The following WIPF3 variants were observed in gnomAD, a reference collection of about 807,000 sequenced individuals.
WIPF3 encodes the protein WAS/WASL interacting protein family member 3.
Under a neutral mutation model 38.9 loss-of-function variants are expected in WIPF3, and 33 were observed. The ratio of observed to expected loss-of-function variants is 0.85; its 90% CI spans 0.64 to 1.14. The LOEUF (loss-of-function observed/expected upper bound fraction) is 1.14. WIPF3 is among the 50% of genes most tolerant of loss of function. The pLI is 0.00. For missense variants in WIPF3, 711 were observed against 652.5 expected (o/e 1.09, Z -0.98); for synonymous variants, 324 against 269.3 (o/e 1.20, Z -1.99).
chr7:29,911,403 A>G (rs193025738), intron 8 of WIPF3, among the ~76,000 whole-genome samples: 2 of 152,230 alleles, frequency 1.3e-5, no homozygotes, highest in East Asian at 3.9e-4. Context: ...AAATAGAAAA[A>G]CCCAGAATCC....
intron 2 of WIPF3, among the ~76,000 whole-genome samples, chr7:29,874,570 G>A (rs1358791781): frequency 6.6e-6 from 1 of 152,134 alleles, no homozygotes; most frequent in Non-Finnish European, 1.5e-5. Flanking sequence ...GTACAGTAGG[G>A]CTAACAAGTA....
At chr7:29,895,515 A>G (rs1335457004) in intron 7 of WIPF3, among the ~76,000 whole-genome samples, 1 of 152,264 alleles carries the variant, frequency 6.6e-6, no homozygotes, top group Non-Finnish European at 1.5e-5. Flanking sequence ...ACATTGCTAC[A>G]ACATGGATAA....
chr7:29,874,800 TATC>T (rs1439319145), intron 2 of WIPF3, among the ~76,000 whole-genome samples: 2 of 152,182 alleles, frequency 1.3e-5, no homozygotes, highest in Non-Finnish European at 2.9e-5. Context: ...GAAGCAGGTG[TATC>T]TCAGGGCTAC....
At chr7:29,811,001 A>G (rs1297612460) in intron 1 of WIPF3, among the ~76,000 whole-genome samples, 5 of 151,808 alleles carry the variant, frequency 3.3e-5, no homozygotes, top group Non-Finnish European at 7.4e-5. Flanking sequence ...TGATCCTCCC[A>G]CCTCAGCCTC....
Position 29,837,133 on chromosome 7 carries a change from A to T in WIPF3, c.90+2319A>T, listed in dbSNP as rs572393399. Among the ~76,000 whole-genome samples the T allele has an allele frequency of 2.2e-4, 33 of 152,326 alleles. 3 individuals carry two copies. In the South Asian group the frequency reaches 6.8e-3, roughly 32 times the overall value. ...CACTTTGGGAGGCTGAGGCAAGTGG[A>T]TCACGAGGTCAGGAGATGGAGACCA... On this transcript the variant is annotated intron_variant, in intron 2 of 8. Coordinates refer to ENST00000242140, the MANE Select transcript of WIPF3 (RefSeq NM_001080529.3).
intron 2 of WIPF3, among the ~76,000 whole-genome samples, chr7:29,869,035 T>A (rs1583610814): frequency 6.6e-6 from 1 of 152,046 alleles, no homozygotes; most frequent in East Asian, 1.9e-4. Flanking sequence ...TCTTTTTTTT[T>A]TTTCATTTTT....
chr7:29,825,502 G>A (rs1784602324), intron 1 of WIPF3, among the ~76,000 whole-genome samples: 1 of 152,148 alleles, frequency 6.6e-6, no homozygotes, highest in South Asian at 2.1e-4. Context: ...AATAAATCCA[G>A]TTCTTAATTA....
intron 2 of WIPF3, among the ~76,000 whole-genome samples, chr7:29,862,361 A>C (rs948650145): frequency 6.6e-6 from 1 of 152,170 alleles, no homozygotes. Context: ...TCATATGATA[A>C]AAGATACTGT....
At chr7:29,871,718 G>A (rs930027989) in intron 2 of WIPF3, among the ~76,000 whole-genome samples, 1 of 152,108 alleles carries the variant, frequency 6.6e-6, no homozygotes, top group Non-Finnish European at 1.5e-5. Context: ...ATGGACATGC[G>A]AAAGCTTTTA....
chr7:29,863,712 T>G (rs1435191763), intron 2 of WIPF3, among the ~76,000 whole-genome samples: 1 of 152,234 alleles, frequency 6.6e-6, no homozygotes, highest in Non-Finnish European at 1.5e-5. Context: ...ACATAGCATA[T>G]CTCTTCATTT....
intron 7 of WIPF3, among the ~76,000 whole-genome samples, chr7:29,901,052 G>A (rs971281612): frequency 6.6e-6 from 1 of 152,200 alleles, no homozygotes; most frequent in Admixed American, 6.5e-5. Flanking sequence ...GAGGGAAGAA[G>A]AGCCATCTGT....
chr7:29,910,248 A>G (rs1396589214), intron 8 of WIPF3, among the ~76,000 whole-genome samples: 2 of 152,184 alleles, frequency 1.3e-5, no homozygotes, highest in Non-Finnish European at 2.9e-5. Context: ...AGAAAATCTG[A>G]ATAGACTTAT....
At position 29,862,890 on chromosome 7, in the gene WIPF3, A is replaced by G. The variant is rs1253716727; in HGVS notation, c.91-12940A>G. Among the ~76,000 whole-genome samples the G allele has an allele frequency of 2.0e-5, 3 of 151,978 alleles. No homozygotes were observed. In the East Asian group the frequency reaches 5.8e-4, roughly 29 times the overall value. The stretch of plus-strand genomic sequence containing the variant: ...TACTTCCTTTTGTGGTTACCTTTGT[A>G]ACTTTAAATAATACACTGAAGCCTC... On this transcript the variant is annotated intron_variant, in intron 2 of 8. Transcript: ENST00000242140.
rs778556575 is a variant in WIPF3, at chr7:29,883,984, A to C, written c.490A>C (p.Thr164Pro). The C allele has an allele frequency of 6.5e-7, 1 of 1,535,710 alleles. No individual in the cohort carries two copies. The highest frequency in any genetic ancestry group is 1.2e-5 in the South Asian group (1 of 82,666). ...NTSEAHGAAR[T>P]APPRPNVPAP... ...CTCCGAGGCGCATGGCGCTGCCAGG[A>C]CAGCCCCGCCTCGCCCCAACGTGCC... Residue 164 changes from threonine to proline, a missense_variant, in exon 5 of 9, where the codon ACA (threonine) becomes CCA (proline). Coordinates refer to ENST00000242140, the MANE Select transcript of WIPF3 (RefSeq NM_001080529.3).
chr7:29,878,327 A>T lies in WIPF3; in HGVS notation c.224-682A>T, dbSNP rs978383049. 1.3e-5 allele frequency among the ~76,000 whole-genome samples: 2 copies of T among 152,154 alleles called. No homozygotes were observed. Among genetic ancestry groups the T allele is most frequent in the Non-Finnish European group, 2.9e-5 (2 of 68,052 alleles). On this transcript the variant is annotated intron_variant, in intron 3 of 8. Coordinates refer to ENST00000242140, the MANE Select transcript of WIPF3 (RefSeq NM_001080529.3). The surrounding 1 kb of genome is among the most constrained non-coding windows in gnomAD (Gnocchi z 4.0). Reference sequence around the variant, plus strand: ...TTCAAGTTGTTAAATATTTTCTGCCAGGAATTCTTGTCTAAGCTGAGTATC... The same window carrying T: ...TTCAAGTTGTTAAATATTTTCTGCCTGGAATTCTTGTCTAAGCTGAGTATC...
At chr7:29,892,008 G>A (rs148003523) in intron 7 of WIPF3, among the ~76,000 whole-genome samples, 9 of 152,320 alleles carry the variant, frequency 5.9e-5, no homozygotes, top group African/African-American at 2.2e-4. Context: ...CAGACTGCCG[G>A]AGGTGCAAGG....
intron 5 of WIPF3, among the ~76,000 whole-genome samples, chr7:29,886,357 T>C (rs2128076566): frequency 7.3e-6 from 1 of 137,132 alleles, no homozygotes; most frequent in African/African-American, 2.8e-5. Flanking sequence ...CTTTTTTTTT[T>C]TTTTTTTTTT....
chr7:29,835,165 C>T (rs991082164), intron 2 of WIPF3, among the ~76,000 whole-genome samples: 1 of 152,004 alleles, frequency 6.6e-6, no homozygotes, highest in African/African-American at 2.4e-5. Flanking sequence ...GCCAATGAGG[C>T]CTTGTGAAGT....
intron 1 of WIPF3, among the ~76,000 whole-genome samples, chr7:29,809,264 G>C (rs995972476): frequency 1.3e-5 from 2 of 152,152 alleles, no homozygotes; most frequent in African/African-American, 4.8e-5. Context: ...TTGCAGAGTT[G>C]AATGTTTGTC....
Sources: allele counts gnomAD v4.1 joint callset (sites outside exome capture counted in the v4.1 genomes callset), GRCh38; gene constraint gnomAD v4.1.1; non-coding constraint Gnocchi (gnomAD v3.1); transcripts MANE v1.5; gene names NCBI Gene and HGNC (gene_info 2026-07-23, HGNC 2026-07-21).